Variants in TNR observed in about 807,000 individuals in gnomAD.
The protein encoded by TNR is tenascin R.
Under a neutral mutation model 150.4 loss-of-function variants are expected in TNR, and 45 were observed. The ratio of observed to expected loss-of-function variants is 0.30; its 90% confidence interval spans 0.24 to 0.38. TNR has a LOEUF of 0.38. TNR is among the 10% of genes least tolerant of loss of function. TNR has a pLI of 1.00. For missense variants in TNR, 1,544 were observed against 1,759.1 expected (o/e 0.88, Z 2.19); for synonymous variants, 687 against 678.4 (o/e 1.01, Z -0.20).
At chr1:175,512,209 G>A (rs1659210241) in intron 2 of TNR, among the ~76,000 whole-genome samples, 1 of 152,212 alleles carries the variant, frequency 6.6e-6, no homozygotes, top group African/African-American at 2.4e-5. Flanking sequence ...TTAGAAGGAG[G>A]AGCACCCTCT....
chr1:175,423,314 G>A (rs1013289904), intron 2 of TNR, among the ~76,000 whole-genome samples: 3 of 152,130 alleles, frequency 2.0e-5, no homozygotes, highest in Non-Finnish European at 4.4e-5. Flanking sequence ...AGCCTTAGCA[G>A]GGGTGCAAGT....
At chr1:175,656,141 A>AGTGTGTGT (rs575020723) in intron 1 of TNR, among the ~76,000 whole-genome samples, 2,779 of 123,862 alleles carry the variant, frequency 0.022, 59 homozygotes, top group African/African-American at 0.035. Flanking sequence ...GGAAGGTTGA[A>AGTGTGTGT]GTGTGTGTGT....
At chr1:175,502,236 G>A (rs1571530090) in intron 2 of TNR, among the ~76,000 whole-genome samples, 1 of 152,154 alleles carries the variant, frequency 6.6e-6, no homozygotes, top group African/African-American at 2.4e-5. Flanking sequence ...AGCTTCCCAC[G>A]TAACCCTAAT....
intron 1 of TNR, among the ~76,000 whole-genome samples, chr1:175,552,604 T>C (rs1376266539): frequency 6.6e-6 from 1 of 152,200 alleles, no homozygotes; most frequent in Non-Finnish European, 1.5e-5. Flanking sequence ...ATGGGCTGAC[T>C]GAAGCCATCT....
intron 18 of TNR, 126 bp from the exon 19 acceptor site, chr1:175,337,805 C>G: frequency 8.8e-7 from 1 of 1,137,144 alleles, no homozygotes; most frequent in Non-Finnish European, 1.2e-6. Context: ...AAATCCTCAA[C>G]GGAGCTCAAG....
In TNR at chr1:175,482,772, A is replaced by G. The variant is rs565882615; in HGVS notation, c.-64+45497T>C. On this transcript the variant is annotated intron_variant, in intron 2 of 22. Transcript: ENST00000367674. The stretch of plus-strand genomic sequence containing the variant: ...CTTTGTGATTGATTACAGGAGCCAA[A>G]CTCACTCAAATTTCTCTAAGTTTCT... Among the ~76,000 whole-genome samples the G allele has an allele frequency of 5.5e-4, 84 of 152,332 alleles. 2 individuals are homozygous for G. In the South Asian group the frequency reaches 0.017, roughly 31 times the overall value.
chr1:175,521,491 C>T (rs144940479), intron 2 of TNR, among the ~76,000 whole-genome samples: 8 of 152,274 alleles, frequency 5.3e-5, no homozygotes, highest in East Asian at 1.9e-4. Context: ...TCACTGGGAC[C>T]GCAGAAATAT....
Position 175,365,977 on chromosome 1 carries a change from A to G in TNR, c.2215T>C (p.Tyr739His). The G allele has an allele frequency of 1.2e-6, 2 of 1,614,144 alleles. No homozygotes were observed. Among genetic ancestry groups the G allele is most frequent in the South Asian group, 2.2e-5 (2 of 91,078 alleles). The change falls in exon 11 of 23, where the codon TAC (tyrosine) becomes CAC (histidine). Residue 739 changes from tyrosine to histidine, a missense_variant. Around this residue, in one of 2 missense-constraint regions of TNR, gnomAD observed 1,254 missense variants for 1,329.4 expected, o/e 0.94. Transcript: ENST00000367674. ...CCAGGCTCTAGATCTGTTAGTGTGT[A>G]TGAGGTCCTGTCCTTGGGTACGGTG... Reference protein sequence around the residue: ...EVTVPKDRTSYTLTDLEPGAE... With the variant: ...EVTVPKDRTSHTLTDLEPGAE...
At chr1:175,521,302 G>A (rs945369530) in intron 2 of TNR, among the ~76,000 whole-genome samples, 1 of 152,138 alleles carries the variant, frequency 6.6e-6, no homozygotes, top group African/African-American at 2.4e-5. Flanking sequence ...AGCTTCTGAG[G>A]GTTCTTTACA....
At chr1:175,658,844 A>G (rs187194535) in intron 1 of TNR, among the ~76,000 whole-genome samples, 1 of 152,286 alleles carries the variant, frequency 6.6e-6, no homozygotes, top group African/African-American at 2.4e-5. Context: ...AACTGAACCA[A>G]ATTAGAGGAA....
intron 2 of TNR, among the ~76,000 whole-genome samples, chr1:175,461,685 A>AT (rs1313005115): frequency 2.0e-5 from 3 of 151,770 alleles, no homozygotes; most frequent in African/African-American, 7.3e-5. Flanking sequence ...TCTGCTCACT[A>AT]TTTTTTTCTG....
intron 9 of TNR, among the ~76,000 whole-genome samples, chr1:175,367,869 G>GC (rs1557889290): frequency 6.6e-6 from 1 of 152,022 alleles, no homozygotes; most frequent in Non-Finnish European, 1.5e-5. Context: ...GTTGCTGTAG[G>GC]CCCCCCGCCA....
chr1:175,621,292 C>T (rs780784452), intron 1 of TNR, among the ~76,000 whole-genome samples: 14 of 152,178 alleles, frequency 9.2e-5, no homozygotes, highest in Non-Finnish European at 1.3e-4. Context: ...TGATCAAAAT[C>T]TTCTAATGCC....
intron 14 of TNR, 103 bp from the exon 15 acceptor site, chr1:175,359,834 A>G (rs1651511693): frequency 9.4e-6 from 13 of 1,389,528 alleles, no homozygotes; most frequent in Non-Finnish European, 1.1e-5. Context: ...CTGCTGCTGC[A>G]CTCTACAAAA....
chr1:175,352,702 TA>T (rs1369780144), intron 18 of TNR, among the ~76,000 whole-genome samples: 1 of 152,256 alleles, frequency 6.6e-6, no homozygotes, highest in Non-Finnish European at 1.5e-5. Flanking sequence ...ACCCAAGGTT[TA>T]TTTTTATTTT....
At chr1:175,541,523 C>T (rs1220935210) in intron 1 of TNR, among the ~76,000 whole-genome samples, 21 of 152,160 alleles carry the variant, frequency 1.4e-4, no homozygotes, top group Non-Finnish European at 5.9e-5. Flanking sequence ...CCTTTCAGTA[C>T]TGATTAACCA....
At chr1:175,646,451 A>G (rs759680741) in intron 1 of TNR, among the ~76,000 whole-genome samples, 9 of 152,340 alleles carry the variant, frequency 5.9e-5, no homozygotes, top group Non-Finnish European at 1.0e-4. Flanking sequence ...GAAAAGCTTC[A>G]TAAAGCTTCC....
chr1:175,347,610 T>A (rs1650857575), intron 18 of TNR, among the ~76,000 whole-genome samples: 1 of 152,044 alleles, frequency 6.6e-6, no homozygotes, highest in African/African-American at 2.4e-5. Context: ...GTATTTTTAG[T>A]AGAGATGGGG....
chr1:175,351,037 C>T (rs776751797), intron 18 of TNR, among the ~76,000 whole-genome samples: 1 of 152,146 alleles, frequency 6.6e-6, no homozygotes, highest in Non-Finnish European at 1.5e-5. Context: ...AGAAATTAGC[C>T]TCTAAATCCA....
Sources: allele counts gnomAD v4.1 joint callset (sites outside exome capture counted in the v4.1 genomes callset), GRCh38; gene constraint gnomAD v4.1.1; regional missense constraint gnomAD v4.1.1; transcripts MANE v1.5; gene names NCBI Gene and HGNC (gene_info 2026-07-23, HGNC 2026-07-21).